CDH13: variants seen among roughly 807,000 people sequenced by gnomAD.
The protein encoded by CDH13 is cadherin 13, also known as cadherin-13.
Under a neutral mutation model 63.8 loss-of-function variants are expected in CDH13, and 24 were observed. The observed-to-expected ratio is 0.38, with a 90% CI of 0.27 to 0.53. The LOEUF is 0.53. CDH13 is among the 20% of genes least tolerant of loss of function. The pLI is 0.85. For missense variants in CDH13, 1,049 were observed against 903.1 expected, an observed-to-expected ratio of 1.16 and a Z score of -2.07; for synonymous variants, 503 against 355.3, an observed-to-expected ratio of 1.42 and a Z score of -4.67.
rs150572438 is a variant in CDH13 at position 82,804,834 on chromosome 16, A to G, written c.46-53528A>G. Among the ~76,000 whole-genome samples, 535 of 152,356 alleles carry G rather than the reference A, an allele frequency of 3.5e-3. 4 individuals are homozygous for G. The highest frequency in any genetic ancestry group is 0.012 in the African/African-American group (504 of 41,582). On this transcript the variant is annotated intron_variant, in intron 1 of 13. Transcript: ENST00000567109. ...AAGAGCTGTATATAAATTGTAAAAC[A>G]TATTAAGAAATTTAGAGAAATAATC...
At chr16:83,750,295 C>CA (rs199631832) in intron 11 of CDH13, among the ~76,000 whole-genome samples, 178 of 150,102 alleles carry the variant, frequency 1.2e-3, no homozygotes, top group African/African-American at 3.6e-3. Flanking sequence ...GACTCCATCT[C>CA]AAAAAAAAAG....
At chr16:83,727,036 A>G (rs984990124) in intron 10 of CDH13, among the ~76,000 whole-genome samples, 2 of 152,172 alleles carry the variant, frequency 1.3e-5, no homozygotes, top group African/African-American at 2.4e-5. Flanking sequence ...TATAATTCAC[A>G]TACCGTACAA....
chr16:83,230,876 A>C (rs1468358318), intron 5 of CDH13, among the ~76,000 whole-genome samples: 1 of 152,218 alleles, frequency 6.6e-6, no homozygotes, highest in Non-Finnish European at 1.5e-5. Flanking sequence ...CAGCCCAGGA[A>C]ATCTGGGCCC....
At chr16:83,337,885 A>G (rs942724026) in intron 5 of CDH13, among the ~76,000 whole-genome samples, 1 of 152,028 alleles carries the variant, frequency 6.6e-6, no homozygotes, top group African/African-American at 2.4e-5. Flanking sequence ...GTAGCAATCA[A>G]TGTAAAGCAA....
chr16:83,520,540 A>G lies in CDH13; in HGVS notation c.960+33885A>G, dbSNP rs1370311075. Among the ~76,000 whole-genome samples the G allele has an allele frequency of 3.9e-5, 6 of 152,208 alleles. No individual in the cohort carries two copies. In the East Asian group the frequency reaches 1.2e-3, roughly 29 times the overall value. On this transcript the variant is annotated intron_variant, in intron 7 of 13. Transcript: ENST00000567109. Reference sequence around the variant, plus strand: ...ATATTGTGAATAATATGTTTAGGCAAAAATCCTCTGTGTCTCGACGTCATT... The same window carrying G: ...ATATTGTGAATAATATGTTTAGGCAGAAATCCTCTGTGTCTCGACGTCATT...
intron 6 of CDH13, among the ~76,000 whole-genome samples, chr16:83,433,942 TG>T (rs889524026): frequency 3.0e-4 from 46 of 152,184 alleles, no homozygotes; most frequent in African/African-American, 9.9e-4. Context: ...TCCTTTGCGT[TG>T]GGGGGGAATC....
chr16:83,615,000 A>G (rs1909165871), intron 8 of CDH13, among the ~76,000 whole-genome samples: 1 of 152,164 alleles, frequency 6.6e-6, no homozygotes, highest in South Asian at 2.1e-4. Context: ...TCTTCACTTG[A>G]TTTGACATGA....
intron 5 of CDH13, among the ~76,000 whole-genome samples, chr16:83,264,902 T>G (rs1019032075): frequency 6.6e-6 from 1 of 152,212 alleles, no homozygotes; most frequent in African/African-American, 2.4e-5. Flanking sequence ...CCCTTTATAT[T>G]CTAGGTTTAT....
intron 1 of CDH13, among the ~76,000 whole-genome samples, chr16:82,794,551 T>G (rs928927802): frequency 3.9e-5 from 6 of 152,016 alleles, no homozygotes; most frequent in African/African-American, 1.4e-4. Flanking sequence ...AGTTTCATGT[T>G]TGACCCATGT....
At chr16:83,512,829 C>A (rs929105905) in intron 7 of CDH13, among the ~76,000 whole-genome samples, 1 of 152,026 alleles carries the variant, frequency 6.6e-6, no homozygotes, top group Non-Finnish European at 1.5e-5. Context: ...CATTCTCGGG[C>A]CTCCCCACAA....
intron 2 of CDH13, among the ~76,000 whole-genome samples, chr16:82,995,702 C>G (rs879639066): frequency 5.3e-5 from 8 of 152,144 alleles, no homozygotes; most frequent in Non-Finnish European, 8.8e-5. Flanking sequence ...AGATGTGATA[C>G]TTCTCCCCAG....
chr16:82,997,762 G>A (rs1190624277), intron 2 of CDH13, among the ~76,000 whole-genome samples: 1 of 152,124 alleles, frequency 6.6e-6, no homozygotes, highest in East Asian at 1.9e-4. Flanking sequence ...AGTCTATCTG[G>A]CTTCTAAGGT....
intron 7 of CDH13, among the ~76,000 whole-genome samples, chr16:83,575,552 G>A (rs1294821095): frequency 6.6e-6 from 1 of 152,130 alleles, no homozygotes; most frequent in Non-Finnish European, 1.5e-5. Context: ...CAGCCCGGGG[G>A]TTTCCATCTT....
At chr16:82,828,301 C>T (rs139276510) in intron 1 of CDH13, among the ~76,000 whole-genome samples, 16 of 152,246 alleles carry the variant, frequency 1.1e-4, no homozygotes, top group East Asian at 5.8e-4. Context: ...TCCACATCTG[C>T]GGATTCAATG....
chr16:83,606,544 T>G (rs918700833), intron 8 of CDH13, among the ~76,000 whole-genome samples: 10 of 151,668 alleles, frequency 6.6e-5, no homozygotes, highest in African/African-American at 2.2e-4. Flanking sequence ...TCAAGACCAG[T>G]CTGGGAAACA....
At chr16:83,352,996 A>C (rs1337928778) in intron 6 of CDH13, among the ~76,000 whole-genome samples, 4 of 152,210 alleles carry the variant, frequency 2.6e-5, no homozygotes, top group African/African-American at 9.7e-5. Context: ...GCATGCTCTC[A>C]CTTATAAGTC....
intron 7 of CDH13, among the ~76,000 whole-genome samples, chr16:83,513,835 A>G (rs1158719188): frequency 6.6e-6 from 1 of 152,198 alleles, no homozygotes; most frequent in Non-Finnish European, 1.5e-5. Flanking sequence ...TGCCACCATA[A>G]TAGGCCGCAG....
chr16:83,437,252 C>T (rs536294575), intron 6 of CDH13, among the ~76,000 whole-genome samples: 12 of 152,208 alleles, frequency 7.9e-5, no homozygotes, highest in Admixed American at 2.6e-4. Context: ...TCTCAGTTTC[C>T]TTCTTTGTTA....
At chr16:83,531,608 A>G (rs1476455727) in intron 7 of CDH13, among the ~76,000 whole-genome samples, 1 of 152,200 alleles carries the variant, frequency 6.6e-6, no homozygotes, top group South Asian at 2.1e-4. Context: ...AGTTGTCCCT[A>G]AATGTAATTA....
Sources: gnomAD v4.1 joint callset for allele counts (sites outside exome capture counted in the v4.1 genomes callset) on GRCh38, gnomAD v4.1.1 for gene constraint, MANE v1.5 for transcripts, NCBI Gene and HGNC (gene_info 2026-07-23, HGNC 2026-07-21) for gene names.